The following CD72 variants were observed in gnomAD, a reference collection of about 807,000 sequenced individuals.
The protein encoded by CD72 is CD72 molecule, also known as B-cell differentiation antigen CD72.
In CD72, 28 loss-of-function variants were observed where a neutral mutation model predicts 50.7. The observed-to-expected ratio is 0.55, with a 90% confidence interval of 0.41 to 0.76. The LOEUF is 0.76. Among genes scored for constraint, CD72 ranks in the 30% least tolerant of loss-of-function variants. The pLI, the probability that CD72 is intolerant of heterozygous loss-of-function variation, is 0.00. For synonymous variants in CD72, 176 were observed against 171.2 expected (o/e 1.03, Z -0.22); for missense variants, 403 against 420.6 (o/e 0.96, Z 0.37).
chr9:35,610,448 C>G, intron 8 of CD72, 148 bp from the exon 9 acceptor site: 1 of 306,282 alleles, frequency 3.3e-6, no homozygotes, highest in South Asian at 2.9e-5. Flanking sequence ...CCCACCCCAC[C>G]CTAACAAGCA....
At chr9:35,638,980 G>A (rs1464892812) in intron 1 of CD72, among the ~76,000 whole-genome samples, 2 of 151,470 alleles carry the variant, frequency 1.3e-5, no homozygotes, top group Non-Finnish European at 2.9e-5. Flanking sequence ...ACCCTTAGAC[G>A]CTTTACCGCC....
At chr9:35,610,776 T>G in intron 7 of CD72, 23 bp from the exon 8 acceptor site, 3 of 1,596,968 alleles carry the variant, frequency 1.9e-6, no homozygotes, top group Non-Finnish European at 2.6e-6. Flanking sequence ...AAGGTAGAGC[T>G]GGGATATGCT....
chr9:35,611,727 G>T, intron 7 of CD72, 77 bp downstream of exon 7: 1 of 802,776 alleles, frequency 1.2e-6, no homozygotes, highest in South Asian at 1.4e-5. Flanking sequence ...GGACCAGGTG[G>T]GAAGGAAATC....
chr9:35,621,114 G>A (rs1292196905), upstream of CD72, among the ~76,000 whole-genome samples: 2 of 152,182 alleles, frequency 1.3e-5, no homozygotes, highest in Non-Finnish European at 2.9e-5. Context: ...AAAGATACCT[G>A]TAACTCCAAG....
At chr9:35,614,032 AAG>A (rs1667703725) in intron 5 of CD72, among the ~76,000 whole-genome samples, 1 of 152,086 alleles carries the variant, frequency 6.6e-6, no homozygotes, top group African/African-American at 2.4e-5. Context: ...AAAAAAAAAA[AAG>A]AAATCTGTAT....
chr9:35,628,700 C>T (rs1303048612), intron 1 of CD72, among the ~76,000 whole-genome samples: 2 of 152,150 alleles, frequency 1.3e-5, no homozygotes, highest in African/African-American at 4.8e-5. Flanking sequence ...CCATGCCTCC[C>T]CCTGTAAAGC....
At chr9:35,616,317 C>A (rs1275934389) in intron 4 of CD72, 39 bp from the exon 5 acceptor site, 3 of 1,523,300 alleles carry the variant, frequency 2.0e-6, no homozygotes, top group Non-Finnish European at 2.7e-6. Flanking sequence ...TCTTCTCCAG[C>A]CCTGCCCTAG....
intron 5 of CD72, among the ~76,000 whole-genome samples, chr9:35,613,602 C>T (rs1404666243): frequency 6.6e-6 from 1 of 152,168 alleles, no homozygotes; most frequent in African/African-American, 2.4e-5. Flanking sequence ...CTTCATCACT[C>T]AAAAATCATT....
At chr9:35,636,803 C>T (rs148507121) in intron 1 of CD72, among the ~76,000 whole-genome samples, 5 of 152,308 alleles carry the variant, frequency 3.3e-5, no homozygotes, top group African/African-American at 1.2e-4. Flanking sequence ...CCACATAGTC[C>T]TGTCACTGAG....
intron 1 of CD72, among the ~76,000 whole-genome samples, chr9:35,624,678 CAGGTTGA>C (rs1209871207): frequency 6.6e-6 from 1 of 152,160 alleles, no homozygotes; most frequent in East Asian, 1.9e-4. Context: ...GAGTTTTTTA[CAGGTTGA>C]AGGTTTATGG....
At chr9:35,641,188 G>T (rs1015183167) in intron 1 of CD72, among the ~76,000 whole-genome samples, 5 of 152,148 alleles carry the variant, frequency 3.3e-5, no homozygotes, top group Admixed American at 1.3e-4. Context: ...ATTTCCTCGG[G>T]GGGGGTGCCT....
upstream of CD72, chr9:35,618,900 C>A (rs1823111826): frequency 1.4e-5 from 7 of 486,930 alleles, no homozygotes; most frequent in Middle Eastern, 1.1e-3. Flanking sequence ...AGAGCCATGG[C>A]TGCAGCACCT....
At chr9:35,625,636 T>C (rs567294976) in intron 1 of CD72, among the ~76,000 whole-genome samples, 7 of 152,374 alleles carry the variant, frequency 4.6e-5, no homozygotes, top group African/African-American at 1.7e-4. Flanking sequence ...AGGACTTTCA[T>C]AGCTGGAGAA....
At chr9:35,633,257 G>C (rs753984092) in intron 1 of CD72, among the ~76,000 whole-genome samples, 1 of 144,648 alleles carries the variant, frequency 6.9e-6, no homozygotes, top group Non-Finnish European at 1.5e-5. Context: ...TAGTATTTTT[G>C]TTTTTTGTTT....
intron 5 of CD72, among the ~76,000 whole-genome samples, chr9:35,614,945 G>A (rs1795926074): frequency 6.6e-6 from 1 of 152,126 alleles, no homozygotes; most frequent in Non-Finnish European, 1.5e-5. Flanking sequence ...AGGGGAATCA[G>A]TTGATTGGAG....
At chr9:35,631,900 TAAATAAATAAATAA>T (rs1188466961) in intron 1 of CD72, among the ~76,000 whole-genome samples, 1 of 151,776 alleles carries the variant, frequency 6.6e-6, no homozygotes, top group Non-Finnish European at 1.5e-5. Flanking sequence ...TCAAAATAAA[TAAATAAATAAATAA>T]AAATAAATAA....
chr9:35,632,251 C>T (rs1488876839), intron 1 of CD72, among the ~76,000 whole-genome samples: 1 of 151,210 alleles, frequency 6.6e-6, no homozygotes, highest in Non-Finnish European at 1.5e-5. Context: ...GATCTCGGCT[C>T]ACTGCAAGCT....
Position 35,611,868 on chromosome 9 carries a change from A to C in CD72, c.886T>G (p.Ser296Ala). ...TTAGAGCTGAGGCCAGTCCAATATGAATTCCCTGAACCACCATTTGGCAAC... is the reference window on the plus strand; with the variant it reads ...TTAGAGCTGAGGCCAGTCCAATATGCATTCCCTGAACCACCATTTGGCAAC... ...SLLPNGGSGN[S>A]YWTGLSSNKD... is the part of the protein sequence containing the mutation. The change falls in exon 7 of 9, where the codon TCA (serine) becomes GCA (alanine). Residue 296 changes from serine (S) to alanine (A), a missense_variant. Coordinates refer to ENST00000259633, the MANE Select transcript of CD72 (RefSeq NM_001782.3). 1.9e-6 allele frequency: 3 copies of C among 1,612,956 alleles called. No homozygotes were observed. Among genetic ancestry groups the C allele is most frequent in the Middle Eastern group, 1.7e-4 (1 of 6,060 alleles).
chr9:35,618,924 T>G (rs1823112170), upstream of CD72: 1 of 384,098 alleles, frequency 2.6e-6, no homozygotes, highest in Non-Finnish European at 4.9e-6. Context: ...GAAAGGCAAG[T>G]GGCAGCACTG....
Sources: gnomAD v4.1 joint callset for allele counts (sites outside exome capture counted in the v4.1 genomes callset) on GRCh38, gnomAD v4.1.1 for gene constraint, MANE v1.5 for transcripts, NCBI Gene and HGNC (gene_info 2026-07-23, HGNC 2026-07-21) for gene names.